The following PTPN21 variants were observed in gnomAD, a reference collection of about 807,000 sequenced individuals.
PTPN21 encodes the protein protein tyrosine phosphatase non-receptor type 21, also known as tyrosine-protein phosphatase non-receptor type 21.
A neutral mutation model predicts 131.8 loss-of-function variants in PTPN21; 77 were observed. The observed-to-expected ratio is 0.58, with a 90% CI of 0.49 to 0.71. PTPN21 has a LOEUF of 0.71. Among genes scored for constraint, PTPN21 ranks in the 30% least tolerant of loss-of-function variants. PTPN21 has a pLI of 0.00. For missense variants in PTPN21, 1,552 were observed against 1,527.1 expected (o/e 1.02, Z -0.27); for synonymous variants, 715 against 621.3 (o/e 1.15, Z -2.24).
intron 2 of PTPN21, among the ~76,000 whole-genome samples, chr14:88,548,056 A>G (rs1025139348): frequency 1.3e-5 from 2 of 152,060 alleles, no homozygotes; most frequent in African/African-American, 4.8e-5. Context: ...CCCACCATCT[A>G]CTGAAAACCT....
intron 12 of PTPN21, among the ~76,000 whole-genome samples, chr14:88,483,385 G>A (rs960286206): frequency 3.3e-5 from 5 of 151,978 alleles, no homozygotes. Context: ...GGAGGGGCCG[G>A]GATTGCAAAT....
chr14:88,552,230 C>T (rs183591311), intron 1 of PTPN21: 1 of 152,388 alleles, frequency 6.6e-6, no homozygotes, highest in Admixed American at 6.5e-5. Context: ...GTCCTGCTCT[C>T]CTGACTGCGT....
chr14:88,472,955 T>C (rs990664366), intron 14 of PTPN21, among the ~76,000 whole-genome samples: 1 of 152,180 alleles, frequency 6.6e-6, no homozygotes, highest in Non-Finnish European at 1.5e-5. Flanking sequence ...GTGAGAAATA[T>C]AATGCAAACT....
chr14:88,468,859 T>G, intron 18 of PTPN21, 57 bp downstream of exon 18: 1 of 1,608,236 alleles, frequency 6.2e-7, no homozygotes, highest in Non-Finnish European at 8.5e-7. Context: ...ACTATGTCCC[T>G]CTCTTCCCCA....
At chr14:88,478,852 A>G in intron 13 of PTPN21, 68 bp downstream of exon 13, 1 of 1,071,120 alleles carries the variant, frequency 9.3e-7, no homozygotes, top group Non-Finnish European at 1.3e-6. Flanking sequence ...ACGGGACGTG[A>G]TGAGTGAAAG....
intron 10 of PTPN21, chr14:88,493,163 A>G (rs1168883783): frequency 2.3e-6 from 1 of 435,678 alleles, no homozygotes; most frequent in Admixed American, 2.7e-5. Flanking sequence ...GGGTTACTGT[A>G]AGGATTAAAG....
chr14:88,550,970 G>A (rs183634559), intron 1 of PTPN21, among the ~76,000 whole-genome samples: 2 of 152,216 alleles, frequency 1.3e-5, no homozygotes, highest in African/African-American at 4.8e-5. Flanking sequence ...ACTCTTTCAG[G>A]TTGTAATACT....
intron 2 of PTPN21, among the ~76,000 whole-genome samples, chr14:88,527,135 T>C (rs2078491159): frequency 6.6e-6 from 1 of 152,222 alleles, no homozygotes; most frequent in Non-Finnish European, 1.5e-5. Context: ...AAATGTCTTT[T>C]TCATACAGTG....
At chr14:88,477,293 TG>T (rs900438092) in intron 13 of PTPN21, among the ~76,000 whole-genome samples, 1 of 151,194 alleles carries the variant, frequency 6.6e-6, no homozygotes, top group African/African-American at 2.4e-5. Context: ...TTAGGCCAGG[TG>T]TGGTGGCTCA....
chr14:88,500,995 G>T, intron 7 of PTPN21, 124 bp from the exon 8 acceptor site: 1 of 705,014 alleles, frequency 1.4e-6, no homozygotes, highest in Non-Finnish European at 2.5e-6. Flanking sequence ...AACTATTCAG[G>T]AAGACAAAAG....
In PTPN21 at chr14:88,470,069, A is replaced by T. The variant is rs760248107; in HGVS notation, c.2872-19T>A. 7 of 1,607,554 alleles carry T rather than the reference A, an allele frequency of 4.4e-6. No homozygotes were observed. The highest frequency in any genetic ancestry group is 3.3e-5 in the South Asian group (3 of 90,962). On this transcript the variant is annotated intron_variant, in intron 15 of 18. Coordinates refer to ENST00000556564, the MANE Select transcript of PTPN21 (RefSeq NM_007039.4). Reference sequence around the variant, plus strand: ...CAGAGACCTGGGATTAGAAAAGGTTAAAAAAATTGATGTGTGGGTATAATA... The same window carrying T: ...CAGAGACCTGGGATTAGAAAAGGTTTAAAAAATTGATGTGTGGGTATAATA...
intron 3 of PTPN21, among the ~76,000 whole-genome samples, chr14:88,516,193 C>A (rs2078266946): frequency 6.6e-6 from 1 of 152,116 alleles, no homozygotes; most frequent in South Asian, 2.1e-4. Context: ...CAAGTAGAAT[C>A]AAATTCTAGG....
chr14:88,509,311 C>A (rs780714640), intron 3 of PTPN21, among the ~76,000 whole-genome samples: 4 of 152,202 alleles, frequency 2.6e-5, no homozygotes, highest in Non-Finnish European at 5.9e-5. Flanking sequence ...CATCTGGAAT[C>A]CAAACTGTCC....
At chr14:88,536,612 C>T (rs925604724) in intron 2 of PTPN21, among the ~76,000 whole-genome samples, 1 of 152,186 alleles carries the variant, frequency 6.6e-6, no homozygotes, top group Non-Finnish European at 1.5e-5. Flanking sequence ...AAACCCTTTC[C>T]TAATCCCTAA....
intron 1 of PTPN21, 106 bp from the exon 2 acceptor site, chr14:88,550,725 A>G (rs11847922): frequency 0.074 from 18,934 of 255,384 alleles, 1,201 homozygotes; most frequent in African/African-American, 0.2. Context: ...GTCCCTCTCC[A>G]CTGGAAAAAA....
At position 88,469,427 on chromosome 14, in the gene PTPN21, A is replaced by G. The variant is rs184930171; in HGVS notation, c.3235+72T>C. ...AGATAACATAAAGGAAATATTTCGGAAACATAAATGTTCCTCTCTGTTTAA... is the reference window on the plus strand; with the variant it reads ...AGATAACATAAAGGAAATATTTCGGGAACATAAATGTTCCTCTCTGTTTAA... On this transcript the variant is annotated intron_variant, in intron 17 of 18. Transcript: ENST00000556564. The surrounding 1 kb of genome is among the most constrained non-coding windows in gnomAD (Gnocchi z 4.3). 3.1e-6 allele frequency: 4 copies of G among 1,305,374 alleles called. No homozygotes were observed. The East Asian group carries it at 6.9e-5, about 23-fold the overall frequency. The allele number at this position is 1,305,374 out of a possible 1,614,324, so 80.9% of individuals were successfully genotyped here.
At position 88,472,146 on chromosome 14, in the gene PTPN21, A is replaced by G. The variant is rs529173999; in HGVS notation, c.2871+98T>C. ...CAATACAATAAAAATAAATTTTAAA[A>G]TATCTGAATTCTAAACAGACATGAA... is the stretch of plus-strand genomic sequence containing the variant. On this transcript the variant is annotated intron_variant, in intron 15 of 18. Coordinates refer to ENST00000556564, the MANE Select transcript of PTPN21 (RefSeq NM_007039.4). The G allele has an allele frequency of 8.0e-5, 57 of 715,994 alleles. 1 individual carries two copies. In the South Asian group the frequency reaches 1.1e-3, roughly 13 times the overall value. 44.4% of individuals were successfully genotyped at this position (715,994 alleles called of 1,614,324 possible).
intron 2 of PTPN21, among the ~76,000 whole-genome samples, chr14:88,518,500 A>G (rs2078338030): frequency 8.1e-6 from 1 of 124,222 alleles, no homozygotes; most frequent in Non-Finnish European, 1.6e-5. Flanking sequence ...GCGCAATCTC[A>G]GCTCACTGCA....
chr14:88,510,488 C>G (rs139663095), intron 3 of PTPN21, among the ~76,000 whole-genome samples: 1 of 152,280 alleles, frequency 6.6e-6, no homozygotes, highest in African/African-American at 2.4e-5. Context: ...AGTTTGAATC[C>G]CCAGGTCTCA....
Sources: gnomAD v4.1 joint callset for allele counts (sites outside exome capture counted in the v4.1 genomes callset) on GRCh38, gnomAD v4.1.1 for gene constraint, Gnocchi (gnomAD v3.1) non-coding constraint, MANE v1.5 for transcripts, NCBI Gene and HGNC (gene_info 2026-07-23, HGNC 2026-07-21) for gene names.